Variants in NOL10 observed in about 807,000 individuals in gnomAD.
NOL10 encodes H_NH0074G24.1.
A neutral mutation model predicts 103.5 loss-of-function variants in NOL10; 58 were observed. That is an observed-to-expected ratio of 0.56 (90% confidence interval 0.45 to 0.70). The LOEUF is 0.70. NOL10 is among the 30% of genes least tolerant of loss of function. NOL10 has a pLI of 0.00. For missense variants in NOL10, 763 were observed against 807.3 expected (o/e 0.95, Z 0.67); for synonymous variants, 287 against 282.5 (o/e 1.02, Z -0.16).
intron 13 of NOL10, among the ~76,000 whole-genome samples, chr2:10,609,746 T>C (rs1010661438): frequency 6.6e-6 from 1 of 152,150 alleles, no homozygotes; most frequent in Non-Finnish European, 1.5e-5. Flanking sequence ...AATGCAAAGC[T>C]CTATCAGATA....
In NOL10 at chr2:10,581,781, T is replaced by G. The variant is rs149475874; in HGVS notation, c.1845-4043A>C. Among the ~76,000 whole-genome samples the G allele has an allele frequency of 5.0e-3, 764 of 152,252 alleles. 8 individuals are homozygous for G. Among genetic ancestry groups the G allele is most frequent in the African/African-American group, 0.018 (730 of 41,540 alleles). ...GGCTGCAGTGAACCATGATTGCGCC[T>G]CTGCACTCCAGCCTGGGCGACAGTG... On this transcript the variant is annotated intron_variant, in intron 19 of 20. Coordinates refer to ENST00000381685, the MANE Select transcript of NOL10 (RefSeq NM_024894.4).
Position 10,659,187 on chromosome 2 carries a change from T to A in NOL10, c.741A>T (p.Gly247=). 6.2e-7 allele frequency: 1 copy of A among 1,603,072 alleles called. No homozygotes were observed. The highest frequency in any genetic ancestry group is 8.5e-7 in the Non-Finnish European group (1 of 1,174,344). ...ACATATTTACCTGCCCTGTGGTTGT[T>A]CCAACTGCCATGGTCAAGGCACCAT... The part of the protein sequence containing the change: ...KFNGALTMAV[G]TTTGQVLLYD... Residue 247 remains glycine, a synonymous_variant, in exon 10 of 21, where the codon GGA becomes GGT. Transcript: ENST00000381685.
chr2:10,592,517 T>C (rs1675442980), intron 17 of NOL10, among the ~76,000 whole-genome samples: 1 of 152,176 alleles, frequency 6.6e-6, no homozygotes, highest in African/African-American at 2.4e-5. Flanking sequence ...GATGTAAATT[T>C]TGGAGTTATC....
At chr2:10,621,951 T>C (rs1300979634) in intron 13 of NOL10, 4 of 414,446 alleles carry the variant, frequency 9.7e-6, no homozygotes, top group East Asian at 7.1e-5. Context: ...AAGCCACCTG[T>C]GGCGATTTAA....
chr2:10,592,578 T>C (rs1217320381), intron 17 of NOL10, among the ~76,000 whole-genome samples: 2 of 152,182 alleles, frequency 1.3e-5, no homozygotes, highest in Non-Finnish European at 2.9e-5. Flanking sequence ...AATGAATAAC[T>C]ATGTGCCTAT....
At chr2:10,655,639 C>T (rs567186802) in intron 11 of NOL10, among the ~76,000 whole-genome samples, 3 of 151,994 alleles carry the variant, frequency 2.0e-5, no homozygotes, top group Admixed American at 6.6e-5. Flanking sequence ...AACCAAGTAA[C>T]GTGGGTGTTA....
chr2:10,629,069 G>A (rs1255556228), intron 13 of NOL10, among the ~76,000 whole-genome samples: 1 of 152,032 alleles, frequency 6.6e-6, no homozygotes, highest in African/African-American at 2.4e-5. Context: ...GTGCAAACAT[G>A]CTCGCTTGCT....
intron 19 of NOL10, among the ~76,000 whole-genome samples, chr2:10,587,275 A>AT (rs70953314): frequency 0.01 from 233 of 22,564 alleles, 74 homozygotes; most frequent in African/African-American, 0.051. Flanking sequence ...ATATATATAT[A>AT]TTTTTTTTTT....
chr2:10,597,399 G>T (rs879861411), intron 17 of NOL10, among the ~76,000 whole-genome samples: 3 of 152,162 alleles, frequency 2.0e-5, no homozygotes, highest in Admixed American at 2.0e-4. Flanking sequence ...AAATCAGGAG[G>T]TATCACAGCT....
intron 8 of NOL10, 148 bp downstream of exon 8, chr2:10,667,070 A>G: frequency 3.4e-6 from 2 of 583,710 alleles, no homozygotes; most frequent in East Asian, 2.8e-5. Context: ...ATTCATCTCA[A>G]TATTTACTGA....
chr2:10,605,097 G>A (rs1290299194), intron 14 of NOL10, among the ~76,000 whole-genome samples: 1 of 152,204 alleles, frequency 6.6e-6, no homozygotes, highest in Admixed American at 6.5e-5. Context: ...TTACATATGA[G>A]GAAACCAAGG....
Position 10,577,724 on chromosome 2 carries a change from T to C in NOL10, c.1859A>G (p.Asp620Gly). ...KQKLMNKTLE[D>G]RLKIEAKNGT... ...ATTTTTTGCTTCAATTTTCAAACGA[T>C]CTTCAAGGGTTTTGCTATGGGAAAT... The change falls in exon 20 of 21, where the codon GAT becomes GGT. Residue 620 changes from aspartate to glycine, a missense_variant. Asp to Gly is a moderately conservative substitution (Grantham distance 94). Transcript: ENST00000381685. 6.2e-7 allele frequency: 1 copy of C among 1,608,320 alleles called. No individual in the cohort carries two copies. Among genetic ancestry groups the C allele is most frequent in the Non-Finnish European group, 8.5e-7 (1 of 1,176,460 alleles).
intron 3 of NOL10, among the ~76,000 whole-genome samples, chr2:10,677,911 A>G (rs1681437065): frequency 6.6e-6 from 1 of 151,516 alleles, no homozygotes; most frequent in Non-Finnish European, 1.5e-5. Context: ...GTGTGTGTAC[A>G]TATATATCCA....
intron 13 of NOL10, among the ~76,000 whole-genome samples, chr2:10,612,731 T>C (rs1676635679): frequency 6.6e-6 from 1 of 152,158 alleles, no homozygotes; most frequent in Non-Finnish European, 1.5e-5. Flanking sequence ...CTTGAACTCC[T>C]GACCTCAGGT....
chr2:10,684,656 A>G, intron 1 of NOL10, 44 bp from the exon 2 acceptor site: 1 of 1,497,936 alleles, frequency 6.7e-7, no homozygotes. Flanking sequence ...AAATTTAGCT[A>G]AATTGTTTTT....
chr2:10,668,745 TA>T, intron 6 of NOL10, 22 bp from the exon 7 acceptor site: 1 of 1,141,220 alleles, frequency 8.8e-7, no homozygotes, highest in Non-Finnish European at 1.2e-6. Flanking sequence ...TAAAGAAAGT[TA>T]AAAACCTGCT....
chr2:10,591,343 G>A (rs1675378582), intron 17 of NOL10, among the ~76,000 whole-genome samples: 1 of 152,118 alleles, frequency 6.6e-6, no homozygotes, highest in South Asian at 2.1e-4. Context: ...ACAGAAAAAG[G>A]AATCCCAACA....
chr2:10,689,955 G>A lies in NOL10; in HGVS notation c.-94C>T, dbSNP rs1327323957. On this transcript the variant is annotated 5_prime_UTR_variant, in exon 1 of 21. It adds an upstream start codon to the 5' untranslated region. Transcript: ENST00000381685. The stretch of plus-strand genomic sequence containing the variant: ...GACCTCCGAGCCCCTGCTCCGCGGC[G>A]TGCGGCCGCTGGCGCCGACTGATGA... The A allele has an allele frequency of 8.1e-6, 10 of 1,231,818 alleles. No individual in the cohort carries two copies. The African/African-American group carries it at 1.2e-4, about 15-fold the overall frequency. 76.3% of individuals were successfully genotyped at this position (1,231,818 alleles called of 1,614,324 possible). A position where few individuals can be genotyped will look rare whatever the true frequency, so the allele number is the denominator to read the frequency against.
chr2:10,670,484 C>T (rs1680855462), intron 6 of NOL10, among the ~76,000 whole-genome samples: 1 of 152,136 alleles, frequency 6.6e-6, no homozygotes, highest in Non-Finnish European at 1.5e-5. Flanking sequence ...TCTGTACTCC[C>T]AGCACTTTGG....
Sources: gnomAD v4.1 joint callset for allele counts (sites outside exome capture counted in the v4.1 genomes callset) on GRCh38, gnomAD v4.1.1 for gene constraint, MANE v1.5 for transcripts, NCBI Gene and HGNC (gene_info 2026-07-23, HGNC 2026-07-21) for gene names.